DYRK1A: variants seen among roughly 807,000 people sequenced by gnomAD.
DYRK1A encodes the protein dual specificity tyrosine-phosphorylation-regulated kinase 1A.
In DYRK1A, 9 loss-of-function variants were observed where a neutral mutation model predicts 79.7. The ratio of observed to expected loss-of-function variants is 0.11; its 90% CI spans 0.07 to 0.20. The LOEUF (loss-of-function observed/expected upper bound fraction) is 0.20, where lower values mean the gene tolerates loss of function less well. Among genes scored for constraint, DYRK1A ranks in the 10% least tolerant of loss-of-function variants. DYRK1A has a pLI of 1.00. For synonymous variants in DYRK1A, 349 were observed against 329.7 expected, an observed-to-expected ratio of 1.06 and a Z score of -0.63; for missense variants, 622 against 956.0, an observed-to-expected ratio of 0.65 and a Z score of 4.61.
At chr21:37,400,968 A>G (rs946241144) in intron 1 of DYRK1A, among the ~76,000 whole-genome samples, 2 of 151,972 alleles carry the variant, frequency 1.3e-5, no homozygotes, top group African/African-American at 4.8e-5. Context: ...ACATGATGAG[A>G]CCCTGTCTCT....
At chr21:37,492,653 A>T (rs1023652170) in intron 7 of DYRK1A, among the ~76,000 whole-genome samples, 2 of 152,208 alleles carry the variant, frequency 1.3e-5, no homozygotes, top group Non-Finnish European at 2.9e-5. Context: ...AGTTAGTGGT[A>T]AACTAAGTGC....
At chr21:37,413,473 C>G (rs1569301496) in intron 1 of DYRK1A, among the ~76,000 whole-genome samples, 1 of 152,004 alleles carries the variant, frequency 6.6e-6, no homozygotes. Flanking sequence ...TTGGTGCTGT[C>G]AGAAGGGAGA....
intron 1 of DYRK1A, among the ~76,000 whole-genome samples, chr21:37,385,717 C>A (rs1437698941): frequency 6.6e-6 from 1 of 152,148 alleles, no homozygotes; most frequent in Non-Finnish European, 1.5e-5. Flanking sequence ...ACTTGTTTCA[C>A]CGGAATTTTA....
chr21:37,504,824 A>G (rs926225788), intron 9 of DYRK1A: 1 of 155,896 alleles, frequency 6.4e-6, no homozygotes, highest in African/African-American at 2.4e-5. Context: ...AGGAAGTGTA[A>G]CAGGTGCTGC....
At chr21:37,483,420 G>C (rs1444699506) in intron 5 of DYRK1A, among the ~76,000 whole-genome samples, 1 of 152,168 alleles carries the variant, frequency 6.6e-6, no homozygotes. Context: ...CTCCAGTGTG[G>C]CCCTACCAGT....
chr21:37,519,736 G>GTTTTTTTTGTTTT lies in DYRK1A; in HGVS notation c.*7213_*7214insGTTTTTTTTTTTT, dbSNP rs58947386. 9 of 85,802 alleles carry GTTTTTTTTGTTTT rather than the reference G, an allele frequency of 1.0e-4. No individual in the cohort carries two copies. The highest frequency in any genetic ancestry group is 4.4e-4 in the African/African-American group (9 of 20,580). The allele number at this position is 85,802 out of a possible 1,614,324, so 5.3% of individuals were successfully genotyped here. On this transcript the variant is annotated 3_prime_UTR_variant, in exon 12 of 12. Transcript: ENST00000647188. Reference sequence around the variant, plus strand: ...AGAGTTTTGAGGTTTGTTGTGGGAAGTTTTTTTTTTTTTTTTTTTTTTTGA... The same window carrying GTTTTTTTTGTTTT: ...AGAGTTTTGAGGTTTGTTGTGGGAAGTTTTTTTTGTTTTTTTTTTTTTTTTTTTTTTTTTTTGA...
intron 2 of DYRK1A, among the ~76,000 whole-genome samples, chr21:37,433,075 G>T (rs912379046): frequency 1.8e-4 from 26 of 147,814 alleles, no homozygotes; most frequent in Non-Finnish European, 3.6e-4. Context: ...ATGTAATGAA[G>T]ATTTTAGTTT....
chr21:37,463,903 T>C (rs2051936340), intron 2 of DYRK1A, among the ~76,000 whole-genome samples: 1 of 152,248 alleles, frequency 6.6e-6, no homozygotes, highest in Non-Finnish European at 1.5e-5. Flanking sequence ...TTAGATGCTA[T>C]AGTTTTAATT....
rs907988259 is a variant in DYRK1A at position 37,526,066 on chromosome 21, G to A, written c.*13535G>A. The A allele has an allele frequency of 8.5e-5, 13 of 152,148 alleles. No homozygotes were observed. Among genetic ancestry groups the A allele is most frequent in the Admixed American group, 2.6e-4 (4 of 15,276 alleles). 9.4% of individuals were successfully genotyped at this position (152,148 alleles called of 1,614,324 possible). On this transcript the variant is annotated 3_prime_UTR_variant, in exon 12 of 12. Coordinates refer to ENST00000647188, the MANE Select transcript of DYRK1A (RefSeq NM_001347721.2). ...AACTATTGTTTGAATCACAACTAAT[G>A]TTACTGCTTTAAGCTCTTCCCATGT...
intron 2 of DYRK1A, among the ~76,000 whole-genome samples, chr21:37,449,778 A>G (rs994609260): frequency 2.6e-5 from 4 of 152,140 alleles, no homozygotes; most frequent in South Asian, 2.1e-4. Context: ...CCCCATAAAT[A>G]TCCTGTTTTT....
intron 9 of DYRK1A, among the ~76,000 whole-genome samples, chr21:37,499,558 G>A (rs1309862770): frequency 6.6e-6 from 1 of 152,014 alleles, no homozygotes; most frequent in Non-Finnish European, 1.5e-5. Context: ...TGTAAAGATG[G>A]GTTATCTCTC....
At chr21:37,497,463 C>T (rs1404556333) in intron 9 of DYRK1A, among the ~76,000 whole-genome samples, 1 of 152,070 alleles carries the variant, frequency 6.6e-6, no homozygotes, top group Admixed American at 6.6e-5. Flanking sequence ...GCTCATTAAT[C>T]GTGGCCCATT....
intron 11 of DYRK1A, among the ~76,000 whole-genome samples, chr21:37,510,032 A>G (rs1056697059): frequency 1.3e-5 from 2 of 152,224 alleles, no homozygotes; most frequent in African/African-American, 2.4e-5. Flanking sequence ...TATCAGATCA[A>G]AAAACATAGT....
In DYRK1A at chr21:37,486,507, C is replaced by T; in HGVS notation, c.530C>T (p.Ala177Val). Residue 177 changes from alanine to valine, a missense_variant, in exon 6 of 12, where the codon GCC becomes GTC. Transcript: ENST00000647188. ...GATCGTGTGGAGCAAGAATGGGTTG[C>T]CATTAAAATAATAAAGAACAAGAAG... The part of the protein sequence containing the change: ...AYDRVEQEWV[A>V]IKIIKNKKAF... 6.3e-7 allele frequency: 1 copy of T among 1,592,026 alleles called. No individual in the cohort carries two copies. Among genetic ancestry groups the T allele is most frequent in the Non-Finnish European group, 8.5e-7 (1 of 1,170,602 alleles).
chr21:37,476,564 TTAAAA>T (rs970890046), intron 3 of DYRK1A, among the ~76,000 whole-genome samples: 1 of 152,104 alleles, frequency 6.6e-6, no homozygotes, highest in African/African-American at 2.4e-5. Context: ...GGAACTTAAA[TTAAAA>T]AAGAAAAGAC....
intron 1 of DYRK1A, among the ~76,000 whole-genome samples, chr21:37,404,594 G>A (rs116116393): frequency 7.0e-4 from 106 of 152,250 alleles, no homozygotes; most frequent in African/African-American, 2.2e-3. Context: ...CAGCATGCCC[G>A]CCATGCTTTA....
intron 2 of DYRK1A, among the ~76,000 whole-genome samples, chr21:37,436,125 T>G (rs1289695174): frequency 6.6e-6 from 1 of 152,074 alleles, no homozygotes; most frequent in Non-Finnish European, 1.5e-5. Context: ...GGGAAAAAAT[T>G]CTAGGCCTTT....
chr21:37,475,900 T>C (rs920126637), intron 3 of DYRK1A, among the ~76,000 whole-genome samples: 1 of 152,232 alleles, frequency 6.6e-6, no homozygotes, highest in African/African-American at 2.4e-5. Flanking sequence ...ACCAGTGGAA[T>C]TGTAAATGGG....
chr21:37,491,365 TTTTGC>T (rs1170099569), intron 7 of DYRK1A, among the ~76,000 whole-genome samples: 1 of 152,162 alleles, frequency 6.6e-6, no homozygotes, highest in East Asian at 1.9e-4. Flanking sequence ...GCACTATTCT[TTTTGC>T]TTTAAGTATT....
Sources: gnomAD v4.1 joint callset for allele counts (sites outside exome capture counted in the v4.1 genomes callset) on GRCh38, gnomAD v4.1.1 for gene constraint, MANE v1.5 for transcripts, NCBI Gene and HGNC (gene_info 2026-07-23, HGNC 2026-07-21) for gene names.